ACVR1C: variants seen among roughly 807,000 people sequenced by gnomAD.
ACVR1C encodes activin A receptor type 1C, also known as activin receptor type-1C.
ACVR1C carries 23 observed loss-of-function variants against 57.9 expected under a neutral mutation model. The observed-to-expected ratio is 0.40, with a 90% CI of 0.29 to 0.56. ACVR1C has a LOEUF of 0.56. Ranked by LOEUF, ACVR1C falls within the 20% of genes least tolerant of loss-of-function variation. The pLI is 0.50. For missense variants in ACVR1C, 480 were observed against 607.9 expected (o/e 0.79, Z 2.21); for synonymous variants, 214 against 215.3 (o/e 0.99, Z 0.05).
At chr2:157,551,158 A>C (rs939142956) in intron 3 of ACVR1C, among the ~76,000 whole-genome samples, 1 of 152,236 alleles carries the variant, frequency 6.6e-6, no homozygotes, top group African/African-American at 2.4e-5. Context: ...TAAAGTGCAG[A>C]GATTAAGAGC....
At chr2:157,545,034 AG>A (rs1177048259) in intron 4 of ACVR1C, among the ~76,000 whole-genome samples, 2 of 152,220 alleles carry the variant, frequency 1.3e-5, no homozygotes, top group Admixed American at 6.5e-5. Flanking sequence ...ATTTATGCAA[AG>A]TATTATTTCT....
intron 2 of ACVR1C, among the ~76,000 whole-genome samples, chr2:157,562,459 A>AAAAATAAAATAAAATAAAAT (rs145869067): frequency 9.2e-6 from 1 of 108,198 alleles, no homozygotes; most frequent in African/African-American, 3.6e-5. Context: ...TACCAACCAA[A>AAAAATAAAATAAAATAAAAT]AAAATAAAAT....
rs888754268 is a variant in ACVR1C at position 157,528,476 on chromosome 2, G to A, written c.*5442C>T. On this transcript the variant is annotated 3_prime_UTR_variant, in exon 9 of 9. Coordinates refer to ENST00000243349, the MANE Select transcript of ACVR1C (RefSeq NM_145259.3). The stretch of plus-strand genomic sequence containing the variant: ...AAATACAGCTCATATTCTCTCGAAT[G>A]TATTCATCTACAACTGAAAGAGAAA... 6.6e-6 allele frequency: 1 copy of A among 152,114 alleles called. No individual in the cohort carries two copies. Among genetic ancestry groups the A allele is most frequent in the Admixed American group, 6.6e-5 (1 of 15,250 alleles). The allele number at this position is 152,114 out of a possible 1,614,324, so 9.4% of individuals were successfully genotyped here. A position where few individuals can be genotyped will look rare whatever the true frequency, so the allele number is the denominator to read the frequency against.
At chr2:157,608,337 G>A (rs10201242) in intron 1 of ACVR1C, among the ~76,000 whole-genome samples, 18,457 of 151,580 alleles carry the variant, frequency 0.12, 1,466 homozygotes, top group East Asian at 0.26. Flanking sequence ...CATAAATCCC[G>A]CTTGATTATT....
At chr2:157,544,193 C>T (rs1386341024) in intron 5 of ACVR1C, among the ~76,000 whole-genome samples, 1 of 149,926 alleles carries the variant, frequency 6.7e-6, no homozygotes, top group Non-Finnish European at 1.5e-5. Context: ...CATGTGCCAC[C>T]ACAACCAGAT....
At chr2:157,561,112 C>A (rs749203977) in intron 2 of ACVR1C, among the ~76,000 whole-genome samples, 6 of 152,114 alleles carry the variant, frequency 3.9e-5, no homozygotes, top group South Asian at 2.1e-4. Flanking sequence ...CAAACAAAGT[C>A]CATTCTTGTA....
At chr2:157,576,890 C>T (rs1159413482) in intron 2 of ACVR1C, among the ~76,000 whole-genome samples, 1 of 38,964 alleles carries the variant, frequency 2.6e-5, no homozygotes, top group Non-Finnish European at 5.6e-5. Context: ...CTCTGTCGCC[C>T]AGGCCGGACT....
At chr2:157,547,978 C>T (rs934638792) in intron 4 of ACVR1C, among the ~76,000 whole-genome samples, 14 of 152,090 alleles carry the variant, frequency 9.2e-5, no homozygotes, top group Non-Finnish European at 2.1e-4. Context: ...TTTAATCCAT[C>T]TTGAATTGAT....
At chr2:157,572,434 A>C (rs1688537646) in intron 2 of ACVR1C, among the ~76,000 whole-genome samples, 1 of 152,118 alleles carries the variant, frequency 6.6e-6, no homozygotes, top group Non-Finnish European at 1.5e-5. Context: ...GTATATTCAC[A>C]CAAAGCAGCT....
At chr2:157,554,924 G>T (rs1241902630) in intron 3 of ACVR1C, among the ~76,000 whole-genome samples, 3 of 151,508 alleles carry the variant, frequency 2.0e-5, no homozygotes, top group Non-Finnish European at 2.9e-5. Flanking sequence ...TATATATATG[G>T]AATCCCCTAC....
At chr2:157,553,830 C>A (rs1013194027) in intron 3 of ACVR1C, among the ~76,000 whole-genome samples, 1 of 151,998 alleles carries the variant, frequency 6.6e-6, no homozygotes. Flanking sequence ...GCACAGTGGG[C>A]CTCAAAGTGT....
At chr2:157,555,143 G>T (rs1331664574) in intron 3 of ACVR1C, among the ~76,000 whole-genome samples, 1 of 100,950 alleles carries the variant, frequency 9.9e-6, no homozygotes, top group Non-Finnish European at 1.7e-5. Flanking sequence ...ACGGAGTCTC[G>T]CTCTGTCACC....
intron 2 of ACVR1C, among the ~76,000 whole-genome samples, chr2:157,561,095 C>G (rs879414064): frequency 2.0e-5 from 3 of 152,122 alleles, no homozygotes; most frequent in Non-Finnish European, 4.4e-5. Flanking sequence ...AAACAGAGAC[C>G]TTCATCCAAA....
intron 2 of ACVR1C, among the ~76,000 whole-genome samples, chr2:157,558,951 T>C (rs1688172145): frequency 6.6e-6 from 1 of 152,252 alleles, no homozygotes; most frequent in Admixed American, 6.5e-5. Context: ...CTATTTAAAA[T>C]GTGTTTTTAA....
At chr2:157,547,118 T>C (rs1458540404) in intron 4 of ACVR1C, among the ~76,000 whole-genome samples, 1 of 137,960 alleles carries the variant, frequency 7.2e-6, no homozygotes, top group South Asian at 2.5e-4. Flanking sequence ...ATTTCCAATT[T>C]CATCCATGTC....
intron 2 of ACVR1C, among the ~76,000 whole-genome samples, chr2:157,586,397 T>C (rs1396847357): frequency 6.6e-6 from 1 of 152,164 alleles, no homozygotes. Context: ...TAAGGAAATA[T>C]ATGTATCTCT....
At chr2:157,588,931 T>C (rs747218342) in intron 1 of ACVR1C, among the ~76,000 whole-genome samples, 15 of 143,190 alleles carry the variant, frequency 1.0e-4, no homozygotes, top group Non-Finnish European at 2.0e-4. Context: ...ACACCACATT[T>C]TGTATTCATT....
At chr2:157,564,605 G>A (rs1452315802) in intron 2 of ACVR1C, among the ~76,000 whole-genome samples, 1 of 152,138 alleles carries the variant, frequency 6.6e-6, no homozygotes, top group African/African-American at 2.4e-5. Flanking sequence ...CCATTACTGG[G>A]TATATACCCA....
At chr2:157,573,183 C>A (rs1688564281) in intron 2 of ACVR1C, among the ~76,000 whole-genome samples, 1 of 152,084 alleles carries the variant, frequency 6.6e-6, no homozygotes, top group Non-Finnish European at 1.5e-5. Context: ...TATCTTCTTT[C>A]AAATGCAAAC....
Sources: allele counts gnomAD v4.1 joint callset (sites outside exome capture counted in the v4.1 genomes callset), GRCh38; gene constraint gnomAD v4.1.1; transcripts MANE v1.5; gene names NCBI Gene and HGNC (gene_info 2026-07-23, HGNC 2026-07-21).